Variants in ABCG1 observed in about 807,000 individuals in gnomAD.
ABCG1 encodes ATP-binding cassette sub-family G member 1.
ABCG1 carries 29 observed loss-of-function variants against 69.2 expected under a neutral mutation model. The observed-to-expected ratio is 0.42, with a 90% CI of 0.31 to 0.57. The LOEUF (loss-of-function observed/expected upper bound fraction) is 0.57. Among genes scored for constraint, ABCG1 ranks in the 20% least tolerant of loss-of-function variants. The probability of loss-of-function intolerance (pLI) is 0.15; values close to 1 mark genes in which losing one functional copy is unlikely to be tolerated. For synonymous variants in ABCG1, 370 were observed against 374.8 expected, an observed-to-expected ratio of 0.99 and a Z score of 0.15; for missense variants, 718 against 898.1, an observed-to-expected ratio of 0.80 and a Z score of 2.56.
At chr21:42,211,394 G>C (rs932884307), upstream of ABCG1, among the ~76,000 whole-genome samples, 17 of 152,102 alleles carry the variant, frequency 1.1e-4, no homozygotes, top group Middle Eastern at 3.4e-3. Flanking sequence ...TGCTTGAAGG[G>C]CTAAGGCATG....
intron 2 of ABCG1, among the ~76,000 whole-genome samples, chr21:42,255,688 C>T (rs1490887648): frequency 6.6e-6 from 1 of 152,224 alleles, no homozygotes; most frequent in Non-Finnish European, 1.5e-5. Context: ...CAGAGCAGCT[C>T]TCAGAGCCCA....
intron 2 of ABCG1, chr21:42,201,777 T>C (rs2067508425): frequency 1.9e-6 from 3 of 1,612,098 alleles, no homozygotes; most frequent in Non-Finnish European, 2.5e-6. Flanking sequence ...AGATCCAGAC[T>C]GGGCTTGTTT....
chr21:42,246,177 G>A (rs1297699721), intron 2 of ABCG1, among the ~76,000 whole-genome samples: 1 of 152,268 alleles, frequency 6.6e-6, no homozygotes, highest in South Asian at 2.1e-4. Context: ...TTTGCAGAAC[G>A]GTGCAGTGAC....
chr21:42,210,318 G>T (rs2067576397), intron 2 of ABCG1, among the ~76,000 whole-genome samples: 1 of 152,156 alleles, frequency 6.6e-6, no homozygotes, highest in Non-Finnish European at 1.5e-5. Flanking sequence ...GGGGTGGGAG[G>T]TTCCTTGGAG....
rs1198734552 is a variant in ABCG1 at position 42,243,445 on chromosome 21, CGCGTGTGTGT to C, written c.286+17533_286+17542del. Among the ~76,000 whole-genome samples the C allele has an allele frequency of 7.5e-3, 601 of 79,712 alleles. 5 individuals carry two copies. The highest frequency in any genetic ancestry group is 0.022 in the African/African-American group (487 of 22,574). The allele number at this position is 79,712 out of a possible 152,430, so 52.3% of individuals were successfully genotyped here. On this transcript the variant is annotated intron_variant, in intron 2 of 14. Coordinates refer to ENST00000398449, the MANE Select transcript of ABCG1 (RefSeq NM_016818.3). ...ACCATATTTTAATACCGTGTGTGTG[CGCGTGTGTGT>C]GTGTGTGTGTGTGTGTGTGTGTGTG...
chr21:42,258,686 C>T (rs964969412), intron 2 of ABCG1, among the ~76,000 whole-genome samples: 1 of 152,204 alleles, frequency 6.6e-6, no homozygotes, highest in African/African-American at 2.4e-5. Flanking sequence ...GAGCATTCTA[C>T]TAGAGAACAG....
intron 2 of ABCG1, among the ~76,000 whole-genome samples, chr21:42,232,421 G>A (rs541671984): frequency 4.6e-5 from 7 of 152,308 alleles, no homozygotes; most frequent in African/African-American, 1.4e-4. Context: ...CCTGGACAAG[G>A]CTCAGATGGC....
At chr21:42,232,190 C>T (rs1443244422) in intron 2 of ABCG1, among the ~76,000 whole-genome samples, 3 of 152,254 alleles carry the variant, frequency 2.0e-5, no homozygotes, top group Non-Finnish European at 4.4e-5. Context: ...ACTCTCACAG[C>T]AGATTCATGA....
chr21:42,227,837 G>C (rs2067841016), intron 2 of ABCG1, among the ~76,000 whole-genome samples: 1 of 151,414 alleles, frequency 6.6e-6, no homozygotes, highest in African/African-American at 2.5e-5. Flanking sequence ...CATGGGGTGA[G>C]GGGAGAGAGA....
At chr21:42,284,293 C>CA (rs2068894070) in intron 6 of ABCG1, among the ~76,000 whole-genome samples, 5 of 151,154 alleles carry the variant, frequency 3.3e-5, no homozygotes, top group African/African-American at 1.2e-4. Context: ...GGACCCCCCC[C>CA]CAGTCCTGGA....
chr21:42,256,311 C>T (rs1569221766), intron 2 of ABCG1: 1 of 1,545,236 alleles, frequency 6.5e-7, no homozygotes, highest in South Asian at 1.2e-5. Context: ...TGCCCGGAGT[C>T]TACAGAGGGT....
In ABCG1 at chr21:42,273,318, G is replaced by T; in HGVS notation, c.420G>T (p.Lys140Asn). 2 of 1,612,778 alleles carry T rather than the reference G, an allele frequency of 1.2e-6. No homozygotes were observed. The highest frequency in any genetic ancestry group is 1.7e-6 in the Non-Finnish European group (2 of 1,179,572). Residue 140 changes from lysine (K) to asparagine (N), a missense_variant, in exon 4 of 15, where the codon AAG (lysine) becomes AAT (asparagine). Transcript: ENST00000398449. This position sits in a 1 kb window ranked among gnomAD's most constrained non-coding sequence, Gnocchi z 5.3. ...GGTTCTGCAGGGAGACGGGCATGAA[G>T]GGGGCCGTCCTCATCAACGGCCTGC... ...ILAGYRETGMKGAVLINGLPR... is the reference protein window; with the variant it reads ...ILAGYRETGMNGAVLINGLPR...
Position 42,294,474 on chromosome 21 carries a change from C to T in ABCG1, c.1654-68C>T, listed in dbSNP as rs748562941. 1.3e-5 allele frequency: 17 copies of T among 1,312,084 alleles called. No homozygotes were observed. In the East Asian group the frequency reaches 1.4e-4, roughly 11 times the overall value. The allele number at this position is 1,312,084 out of a possible 1,614,324, so 81.3% of individuals were successfully genotyped here. ...CCTGCCCGGGGGAAGCTGGCGTGGG[C>T]GAGCCTCCTCTGCAGGAGGCCAGGC... is the stretch of plus-strand genomic sequence containing the variant. On this transcript the variant is annotated intron_variant, in intron 13 of 14. Transcript: ENST00000398449.
At chr21:42,265,104 G>C (rs949771254) in intron 2 of ABCG1, among the ~76,000 whole-genome samples, 1 of 152,166 alleles carries the variant, frequency 6.6e-6, no homozygotes, top group Non-Finnish European at 1.5e-5. Context: ...GCACACAGGG[G>C]TTCATAGGAG....
chr21:42,231,628 G>T (rs1310180350), intron 2 of ABCG1, among the ~76,000 whole-genome samples: 1 of 152,246 alleles, frequency 6.6e-6, no homozygotes, highest in African/African-American at 2.4e-5. Flanking sequence ...TTCCATTAAG[G>T]GAAGACTGGA....
intron 2 of ABCG1, chr21:42,256,664 T>G: frequency 1.4e-6 from 2 of 1,462,194 alleles, no homozygotes; most frequent in Non-Finnish European, 1.8e-6. Flanking sequence ...GGCAGCCCTT[T>G]CTGCTCCTCC....
At chr21:42,292,922 T>C (rs1411247705) in intron 13 of ABCG1, among the ~76,000 whole-genome samples, 255 of 45,398 alleles carry the variant, frequency 5.6e-3, no homozygotes, top group Middle Eastern at 0.025. Flanking sequence ...ACACCACACA[T>C]ACTACACACC....
chr21:42,293,946 CCACACCACACACACACTCCACACACA>C (rs1601463449), intron 13 of ABCG1, among the ~76,000 whole-genome samples: 1 of 148,504 alleles, frequency 6.7e-6, no homozygotes, highest in East Asian at 2.0e-4. Flanking sequence ...CAGACACCGC[CCACACCACACACACACTCCACACACA>C]CACTCCACAC....
At chr21:42,258,011 A>C (rs2123676571) in intron 2 of ABCG1, among the ~76,000 whole-genome samples, 4 of 111,022 alleles carry the variant, frequency 3.6e-5, no homozygotes, top group African/African-American at 1.6e-4. Context: ...CCATTTCCCC[A>C]TCCACTCCAT....
Sources: allele counts gnomAD v4.1 joint callset (sites outside exome capture counted in the v4.1 genomes callset), GRCh38; gene constraint gnomAD v4.1.1; non-coding constraint Gnocchi (gnomAD v3.1); transcripts MANE v1.5; gene names NCBI Gene and HGNC (gene_info 2026-07-23, HGNC 2026-07-21).